DOCK4: variants seen among roughly 807,000 people sequenced by gnomAD.
DOCK4 encodes dedicator of cytokinesis protein 4.
In DOCK4, 97 loss-of-function variants were observed where a neutral mutation model predicts 268.1. That is an observed-to-expected ratio of 0.36 (90% CI 0.31 to 0.43). DOCK4 has a LOEUF of 0.43. Among genes scored for constraint, DOCK4 ranks in the 20% least tolerant of loss-of-function variants. The pLI is 1.00. For missense variants in DOCK4, 2,145 were observed against 2,455.7 expected (o/e 0.87, Z 2.67); for synonymous variants, 954 against 887.2 (o/e 1.08, Z -1.34).
intron 1 of DOCK4, among the ~76,000 whole-genome samples, chr7:112,130,434 T>C (rs890777969): frequency 2.6e-5 from 4 of 152,228 alleles, no homozygotes; most frequent in African/African-American, 9.6e-5. Context: ...CTCACATGAA[T>C]GTCTTTTGCT....
At chr7:112,044,336 A>C (rs1408385281) in intron 1 of DOCK4, among the ~76,000 whole-genome samples, 3 of 152,224 alleles carry the variant, frequency 2.0e-5, no homozygotes, top group Non-Finnish European at 4.4e-5. Context: ...ATCAAATGAC[A>C]CGAATTCTGC....
chr7:112,190,675 CA>C (rs562780962), intron 1 of DOCK4, among the ~76,000 whole-genome samples: 44 of 137,888 alleles, frequency 3.2e-4, no homozygotes, highest in Middle Eastern at 3.6e-3. Context: ...ACTGCAAAAA[CA>C]AAAAAAAAAA....
At chr7:111,933,147 T>C (rs1361899833) in intron 12 of DOCK4, among the ~76,000 whole-genome samples, 2 of 137,412 alleles carry the variant, frequency 1.5e-5, no homozygotes, top group Middle Eastern at 3.8e-3. Flanking sequence ...CACATATATA[T>C]ACGTATATAC....
At chr7:112,011,757 CA>C (rs869096541) in intron 1 of DOCK4, among the ~76,000 whole-genome samples, 6 of 135,086 alleles carry the variant, frequency 4.4e-5, no homozygotes, top group South Asian at 4.8e-4. Flanking sequence ...AAAAAAAAAA[CA>C]AAAAAAAAAC....
chr7:111,831,714 T>C (rs1226249402), intron 26 of DOCK4, among the ~76,000 whole-genome samples: 1 of 152,140 alleles, frequency 6.6e-6, no homozygotes, highest in East Asian at 1.9e-4. Flanking sequence ...CTCTAACTCC[T>C]GGGCTCAAGT....
intron 26 of DOCK4, among the ~76,000 whole-genome samples, chr7:111,834,332 T>C (rs1393846313): frequency 6.6e-6 from 1 of 152,196 alleles, no homozygotes; most frequent in African/African-American, 2.4e-5. Flanking sequence ...CTGCTTCTAG[T>C]TTATTGAACT....
chr7:112,141,599 T>C (rs903357216), intron 1 of DOCK4, among the ~76,000 whole-genome samples: 1 of 152,210 alleles, frequency 6.6e-6, no homozygotes, highest in African/African-American at 2.4e-5. Context: ...AATGATATAA[T>C]AGATACATAC....
chr7:111,847,226 T>C, intron 23 of DOCK4, 100 bp from the exon 24 acceptor site: 1 of 1,420,172 alleles, frequency 7.0e-7, no homozygotes, highest in Non-Finnish European at 9.6e-7. Flanking sequence ...GTTGCTAAAT[T>C]ATTAACACAT....
intron 1 of DOCK4, among the ~76,000 whole-genome samples, chr7:112,098,492 T>A: frequency 6.6e-6 from 1 of 150,600 alleles, no homozygotes. Context: ...ATTATATATC[T>A]TATAGTTAAA....
chr7:112,058,830 C>G (rs964817967), intron 1 of DOCK4, among the ~76,000 whole-genome samples: 2 of 152,146 alleles, frequency 1.3e-5, no homozygotes, highest in Admixed American at 6.5e-5. Context: ...TCCCATATCT[C>G]TAGGATCACA....
chr7:111,728,706 A>G lies in DOCK4; in HGVS notation c.5496T>C (p.Ser1832=), dbSNP rs764831116. The G allele has an allele frequency of 4.0e-5, 64 of 1,611,816 alleles. 1 individual carries two copies. The South Asian group carries it at 6.8e-4, about 17-fold the overall frequency. Residue 1832 remains serine, a synonymous_variant, in exon 53 of 53, where the codon TCT becomes TCC. Coordinates refer to ENST00000428084, the MANE Select transcript of DOCK4 (RefSeq NM_001363540.2). ...GGTACTCCACTGGAGAGGGGGTGAA[A>G]GACTGCACAGAGCCCTGCTCCGGGG... ...GRSPLKGSVQ[S]FTPSPVEYHS... is the part of the protein sequence containing the mutation.
intron 1 of DOCK4, among the ~76,000 whole-genome samples, chr7:112,093,807 A>G (rs1809856021): frequency 6.6e-6 from 1 of 151,808 alleles, no homozygotes; most frequent in African/African-American, 2.4e-5. Context: ...CTATAGAAAT[A>G]TTGAGATAAA....
At chr7:112,106,526 C>T (rs753063070) in intron 1 of DOCK4, among the ~76,000 whole-genome samples, 5 of 152,228 alleles carry the variant, frequency 3.3e-5, no homozygotes, top group African/African-American at 4.8e-5. Flanking sequence ...ATCTACACCA[C>T]GGTGGATGGC....
chr7:111,878,627 T>C (rs1001050453), intron 16 of DOCK4, among the ~76,000 whole-genome samples: 4 of 151,632 alleles, frequency 2.6e-5, no homozygotes, highest in African/African-American at 4.8e-5. Context: ...CGGCAGTAGC[T>C]ATGCAGCATG....
At chr7:112,040,601 C>T (rs900902210) in intron 1 of DOCK4, among the ~76,000 whole-genome samples, 1 of 151,928 alleles carries the variant, frequency 6.6e-6, no homozygotes, top group South Asian at 2.1e-4. Flanking sequence ...TGATGAGCCA[C>T]GGTAAACCAA....
intron 1 of DOCK4, among the ~76,000 whole-genome samples, chr7:112,169,350 C>G (rs887327086): frequency 9.9e-5 from 15 of 152,234 alleles, no homozygotes; most frequent in Middle Eastern, 3.4e-3. Flanking sequence ...TATGCCATTG[C>G]TCCAAAGCTA....
chr7:112,047,569 A>G (rs370652131), intron 1 of DOCK4, among the ~76,000 whole-genome samples: 1 of 152,238 alleles, frequency 6.6e-6, no homozygotes, highest in South Asian at 2.1e-4. Flanking sequence ...TGTGATATGG[A>G]AAAAGCAAAC....
At chr7:111,759,834 GA>G (rs1797264764) in intron 40 of DOCK4, among the ~76,000 whole-genome samples, 1 of 151,830 alleles carries the variant, frequency 6.6e-6, no homozygotes, top group South Asian at 2.1e-4. Flanking sequence ...ACAATACTAT[GA>G]TTTTCTTGAA....
intron 26 of DOCK4, among the ~76,000 whole-genome samples, chr7:111,833,591 A>T (rs1803014103): frequency 6.6e-6 from 1 of 152,114 alleles, no homozygotes; most frequent in Non-Finnish European, 1.5e-5. Context: ...ACATGATGCC[A>T]TATGCCAAAT....
Sources: allele counts gnomAD v4.1 joint callset (sites outside exome capture counted in the v4.1 genomes callset), GRCh38; gene constraint gnomAD v4.1.1; transcripts MANE v1.5; gene names NCBI Gene and HGNC (gene_info 2026-07-23, HGNC 2026-07-21).